SDHAF3: variants seen among roughly 807,000 people sequenced by gnomAD.
SDHAF3 encodes the protein succinate dehydrogenase complex assembly factor 3, also known as succinate dehydrogenase assembly factor 3, mitochondrial.
SDHAF3 carries 18 observed loss-of-function variants against 11.5 expected under a neutral mutation model. That is an observed-to-expected ratio of 1.56 (90% CI 1.08 to 2.32). The LOEUF (loss-of-function observed/expected upper bound fraction) is 2.32, where lower values mean the gene tolerates loss of function less well. Among genes scored for constraint, SDHAF3 ranks in the 30% most tolerant of loss-of-function variants. The pLI is 0.00. For synonymous variants in SDHAF3, 72 were observed against 59.3 expected, an observed-to-expected ratio of 1.21 and a Z score of -0.99; for missense variants, 200 against 154.4, an observed-to-expected ratio of 1.30 and a Z score of -1.57.
rs1042607320 is a variant in SDHAF3, at chr7:97,123,935, C to T, written c.174+6038C>T. On this transcript the variant is annotated intron_variant, in intron 1 of 1. Transcript: ENST00000432641. ...TGGATAGATTGCAAAAATTTTCTCC[C>T]GTTCTGTAGGTTGCCTGTTCACTCT... 5.9e-5 allele frequency among the ~76,000 whole-genome samples: 9 copies of T among 151,862 alleles called. No homozygotes were observed. In the East Asian group the frequency reaches 7.7e-4, roughly 13 times the overall value.
intron 1 of SDHAF3, chr7:97,136,471 A>G (rs1276721357): frequency 1.6e-6 from 1 of 641,614 alleles, no homozygotes; most frequent in Non-Finnish European, 2.8e-6. Flanking sequence ...ACTTTCAGTA[A>G]GTAAGACCTG....
intron 1 of SDHAF3, among the ~76,000 whole-genome samples, chr7:97,174,470 A>G (rs533450802): frequency 1.5e-4 from 23 of 152,212 alleles, no homozygotes; most frequent in Non-Finnish European, 3.2e-4. Context: ...CAGTTTCACC[A>G]GCTTTTAGAG....
At position 97,138,561 on chromosome 7, in the gene SDHAF3, T is replaced by C. The variant is rs530232792; in HGVS notation, c.174+20664T>C. The stretch of plus-strand genomic sequence containing the variant: ...ATTTTAAATTTAATATGAGTAACAC[T>C]TTTAATGATTATCTGACGTTGATTA... On this transcript the variant is annotated intron_variant, in intron 1 of 1. Coordinates refer to ENST00000432641, the MANE Select transcript of SDHAF3 (RefSeq NM_020186.3). Among the ~76,000 whole-genome samples the C allele has an allele frequency of 1.2e-4, 19 of 152,128 alleles. No homozygotes were observed. The East Asian group carries it at 3.3e-3, about 26-fold the overall frequency.
chr7:97,167,615 C>T (rs1199142766), intron 1 of SDHAF3, among the ~76,000 whole-genome samples: 2 of 152,150 alleles, frequency 1.3e-5, no homozygotes, highest in Non-Finnish European at 2.9e-5. Context: ...AAATCAATCT[C>T]TCCAAGCATT....
intron 1 of SDHAF3, among the ~76,000 whole-genome samples, chr7:97,156,897 G>A (rs185774265): frequency 2.5e-3 from 382 of 152,218 alleles, no homozygotes; most frequent in African/African-American, 8.8e-3. Context: ...AGGTATACAT[G>A]TGCCATGTTG....
chr7:97,123,812 G>T lies in SDHAF3; in HGVS notation c.174+5915G>T, dbSNP rs573836391. On this transcript the variant is annotated intron_variant, in intron 1 of 1. Coordinates refer to ENST00000432641, the MANE Select transcript of SDHAF3 (RefSeq NM_020186.3). Reference sequence around the variant, plus strand: ...TCTTTTTTTTTTTTTTGAGAAGGGTGTGTTCATATCCTTCGCCCACTTTTG... The same window carrying T: ...TCTTTTTTTTTTTTTTGAGAAGGGTTTGTTCATATCCTTCGCCCACTTTTG... 8.3e-5 allele frequency among the ~76,000 whole-genome samples: 12 copies of T among 144,884 alleles called. No homozygotes were observed. In the East Asian group the frequency reaches 2.2e-3, roughly 27 times the overall value.
chr7:97,169,055 G>A (rs915014087), intron 1 of SDHAF3, among the ~76,000 whole-genome samples: 9 of 152,178 alleles, frequency 5.9e-5, no homozygotes, highest in Non-Finnish European at 1.0e-4. Context: ...TTCAGGGCTG[G>A]GTGCGGTGGC....
At chr7:97,169,656 C>CATTACAGATGAACAGGTAGTTAA (rs1789574021) in intron 1 of SDHAF3, among the ~76,000 whole-genome samples, 3 of 151,844 alleles carry the variant, frequency 2.0e-5, no homozygotes, top group African/African-American at 7.3e-5. Context: ...AATTAACCTG[C>CATTACAGATGAACAGGTAGTTAA]ATTACAGATG....
chr7:97,155,669 C>A (rs919929563), intron 1 of SDHAF3, among the ~76,000 whole-genome samples: 1 of 152,100 alleles, frequency 6.6e-6, no homozygotes, highest in Non-Finnish European at 1.5e-5. Flanking sequence ...ATCTTTATAT[C>A]CTTAGCATTT....
At chr7:97,163,048 G>T (rs1031495687) in intron 1 of SDHAF3, among the ~76,000 whole-genome samples, 1 of 151,864 alleles carries the variant, frequency 6.6e-6, no homozygotes, top group East Asian at 1.9e-4. Context: ...GGTCTCTTGA[G>T]AACTTGTTTT....
intron 1 of SDHAF3, among the ~76,000 whole-genome samples, chr7:97,119,066 C>A (rs774358384): frequency 9.2e-5 from 14 of 152,132 alleles, no homozygotes; most frequent in Admixed American, 1.3e-4. Flanking sequence ...AGTGTCAGAT[C>A]ACATAATTTT....
intron 1 of SDHAF3, among the ~76,000 whole-genome samples, chr7:97,154,181 A>G (rs570563574): frequency 7.0e-6 from 1 of 142,714 alleles, no homozygotes; most frequent in African/African-American, 2.6e-5. Flanking sequence ...GGTGGGGGAG[A>G]TTACAAAGAA....
rs146453333 is a variant in SDHAF3 at position 97,154,322 on chromosome 7, C to A, written c.175-26690C>A. Reference sequence around the variant, plus strand: ...TTTGTGGATCTTCATTTGCTTCAGGCCATCTGGATGTATATGTGCAGGTCA... The same window carrying A: ...TTTGTGGATCTTCATTTGCTTCAGGACATCTGGATGTATATGTGCAGGTCA... On this transcript the variant is annotated intron_variant, in intron 1 of 1. Transcript: ENST00000432641. 9.9e-3 allele frequency among the ~76,000 whole-genome samples: 1,512 copies of A among 152,266 alleles called. 13 individuals carry two copies. The highest frequency in any genetic ancestry group is 0.017 in the Middle Eastern group (5 of 294).
chr7:97,141,411 G>A (rs1789038473), intron 1 of SDHAF3, among the ~76,000 whole-genome samples: 1 of 152,022 alleles, frequency 6.6e-6, no homozygotes, highest in Admixed American at 6.6e-5. Context: ...ACAGCTCAGG[G>A]GGCATCACGG....
intron 1 of SDHAF3, among the ~76,000 whole-genome samples, chr7:97,145,553 GA>G (rs1475834970): frequency 1.3e-5 from 2 of 152,142 alleles, no homozygotes; most frequent in African/African-American, 2.4e-5. Flanking sequence ...AAGGGATACT[GA>G]AGGCATTTAT....
At chr7:97,171,278 C>T (rs1278385583) in intron 1 of SDHAF3, among the ~76,000 whole-genome samples, 1 of 151,920 alleles carries the variant, frequency 6.6e-6, no homozygotes, top group East Asian at 1.9e-4. Flanking sequence ...GGAAAGTTAC[C>T]TTTTTCTTTC....
chr7:97,129,284 C>T (rs1791629478), intron 1 of SDHAF3, among the ~76,000 whole-genome samples: 1 of 152,124 alleles, frequency 6.6e-6, no homozygotes, highest in Non-Finnish European at 1.5e-5. Context: ...TTCCTACCTA[C>T]CTGGTGTTTG....
intron 1 of SDHAF3, among the ~76,000 whole-genome samples, chr7:97,149,905 A>G (rs1789191514): frequency 1.3e-5 from 2 of 152,216 alleles, no homozygotes; most frequent in Admixed American, 6.5e-5. Context: ...TCAAAGTTGA[A>G]GTCTATCCCC....
At chr7:97,155,850 C>T (rs953622010) in intron 1 of SDHAF3, among the ~76,000 whole-genome samples, 3 of 147,608 alleles carry the variant, frequency 2.0e-5, no homozygotes, top group African/African-American at 7.5e-5. Flanking sequence ...AGCTAATATC[C>T]GAAGCATGAT....
Sources: gnomAD v4.1 joint callset for allele counts (sites outside exome capture counted in the v4.1 genomes callset) on GRCh38, gnomAD v4.1.1 for gene constraint, MANE v1.5 for transcripts, NCBI Gene and HGNC (gene_info 2026-07-23, HGNC 2026-07-21) for gene names.